The following DGKB variants were observed in gnomAD, a reference collection of about 807,000 sequenced individuals.
The protein encoded by DGKB is diacylglycerol kinase beta.
In DGKB, 67 loss-of-function variants were observed where a neutral mutation model predicts 114.3. That is an observed-to-expected ratio of 0.59 (90% confidence interval 0.48 to 0.72). The LOEUF is 0.72. Ranked by LOEUF, DGKB falls within the 30% of genes least tolerant of loss-of-function variation. The pLI, the probability that DGKB is intolerant of heterozygous loss-of-function variation, is 0.00. For synonymous variants in DGKB, 398 were observed against 323.1 expected, an observed-to-expected ratio of 1.23 and a Z score of -2.49; for missense variants, 907 against 975.2, an observed-to-expected ratio of 0.93 and a Z score of 0.93.
chr7:14,571,968 TA>T lies in DGKB; in HGVS notation c.1770+2243del, dbSNP rs1798450060. ...ATAAAAATCCAGAGAATTAAAGATA[TA>T]AACAATTTTCAGTATTCAACAAAAA... On this transcript the variant is annotated intron_variant, in intron 20 of 25. Coordinates refer to ENST00000402815, the MANE Select transcript of DGKB (RefSeq NM_001350709.2). 4.6e-5 allele frequency among the ~76,000 whole-genome samples: 7 copies of T among 152,126 alleles called. No individual in the cohort carries two copies. In the South Asian group the frequency reaches 1.5e-3, roughly 32 times the overall value.
chr7:14,477,570 C>T (rs1782369828), intron 21 of DGKB, among the ~76,000 whole-genome samples: 1 of 152,008 alleles, frequency 6.6e-6, no homozygotes, highest in Admixed American at 6.6e-5. Flanking sequence ...TTCCTGTTTC[C>T]CTGAGTAACT....
intron 2 of DGKB, among the ~76,000 whole-genome samples, chr7:14,771,825 G>A (rs1041193766): frequency 6.6e-6 from 1 of 152,016 alleles, no homozygotes; most frequent in South Asian, 2.1e-4. Flanking sequence ...AGATCCAGGA[G>A]ATAATCAACT....
chr7:14,225,404 G>T (rs978062291), intron 23 of DGKB, among the ~76,000 whole-genome samples: 2 of 151,982 alleles, frequency 1.3e-5, no homozygotes, highest in Non-Finnish European at 2.9e-5. Context: ...CATTTCCAGA[G>T]ATTTGTTGCC....
chr7:14,442,735 A>G (rs1317111499), intron 21 of DGKB, among the ~76,000 whole-genome samples: 1 of 152,048 alleles, frequency 6.6e-6, no homozygotes, highest in Non-Finnish European at 1.5e-5. Context: ...TTTTTGGGAT[A>G]AGATCATGCT....
chr7:14,939,375 C>T (rs1785442298), intron 1 of DGKB, among the ~76,000 whole-genome samples: 1 of 152,090 alleles, frequency 6.6e-6, no homozygotes, highest in Non-Finnish European at 1.5e-5. Flanking sequence ...AATAGAAATA[C>T]CCTTTCTCAG....
At chr7:14,731,825 T>C (rs1830968746) in intron 5 of DGKB, among the ~76,000 whole-genome samples, 1 of 152,086 alleles carries the variant, frequency 6.6e-6, no homozygotes, top group Non-Finnish European at 1.5e-5. Context: ...AGACGAGAGA[T>C]TAGAGACCTG....
intron 22 of DGKB, among the ~76,000 whole-genome samples, chr7:14,344,719 T>TTA (rs398003736): frequency 6.6e-6 from 1 of 151,434 alleles, no homozygotes; most frequent in African/African-American, 2.4e-5. Flanking sequence ...CTTTTTTTTT[T>TTA]ACAGACCTAT....
chr7:14,908,830 G>A (rs1783842447), intron 1 of DGKB, among the ~76,000 whole-genome samples: 1 of 151,978 alleles, frequency 6.6e-6, no homozygotes, highest in African/African-American at 2.4e-5. Context: ...CTGGTTTTGG[G>A]GTGACTTTAA....
chr7:14,243,807 G>T (rs572502206), intron 23 of DGKB, among the ~76,000 whole-genome samples: 4 of 151,990 alleles, frequency 2.6e-5, no homozygotes, highest in Non-Finnish European at 5.9e-5. Context: ...GCTTCAAAAT[G>T]ACCCCAGCTT....
intron 23 of DGKB, among the ~76,000 whole-genome samples, chr7:14,231,721 A>G (rs1366644195): frequency 6.6e-6 from 1 of 151,904 alleles, no homozygotes; most frequent in African/African-American, 2.4e-5. Context: ...TAAAACTCAT[A>G]CTGTGTTCTA....
chr7:14,301,950 C>T (rs1803639555), intron 23 of DGKB, among the ~76,000 whole-genome samples: 1 of 152,010 alleles, frequency 6.6e-6, no homozygotes, highest in African/African-American at 2.4e-5. Context: ...AATGGCAGTG[C>T]TTTAGCAATA....
chr7:14,313,609 C>T (rs1235559540), intron 23 of DGKB, among the ~76,000 whole-genome samples: 4 of 152,176 alleles, frequency 2.6e-5, no homozygotes, highest in Non-Finnish European at 4.4e-5. Flanking sequence ...AGATTATATC[C>T]GCACCTGGCT....
chr7:14,298,471 AATAT>A (rs1401657215), intron 23 of DGKB, among the ~76,000 whole-genome samples: 7 of 152,214 alleles, frequency 4.6e-5, no homozygotes, highest in Non-Finnish European at 8.8e-5. Flanking sequence ...TTTCCTATTT[AATAT>A]ATGATGTTGG....
intron 23 of DGKB, among the ~76,000 whole-genome samples, chr7:14,321,946 G>A (rs924036305): frequency 2.6e-5 from 4 of 152,140 alleles, no homozygotes; most frequent in African/African-American, 4.8e-5. Flanking sequence ...AATGCCAATT[G>A]TCCCTAAACT....
chr7:14,315,061 A>G (rs1240283136), intron 23 of DGKB, among the ~76,000 whole-genome samples: 3 of 151,408 alleles, frequency 2.0e-5, no homozygotes, highest in African/African-American at 7.3e-5. Flanking sequence ...GAAATAAAAT[A>G]CTTTACAGAC....
chr7:14,374,847 C>T (rs1384210596), intron 21 of DGKB, among the ~76,000 whole-genome samples: 2 of 152,134 alleles, frequency 1.3e-5, no homozygotes, highest in Non-Finnish European at 2.9e-5. Context: ...TACCCCCAAC[C>T]TTGTCGTGAC....
intron 23 of DGKB, among the ~76,000 whole-genome samples, chr7:14,251,247 G>A (rs1332662434): frequency 1.3e-5 from 2 of 151,758 alleles, no homozygotes; most frequent in Non-Finnish European, 2.9e-5. Flanking sequence ...ATGGCTTTTT[G>A]TGCTGCTATA....
At chr7:14,602,469 A>G (rs1216075065) in intron 17 of DGKB, among the ~76,000 whole-genome samples, 1 of 152,172 alleles carries the variant, frequency 6.6e-6, no homozygotes, top group East Asian at 1.9e-4. Flanking sequence ...AAGCAATAGT[A>G]TTGGGAGGTG....
In DGKB at chr7:14,188,436, G is replaced by A. The variant is rs923206389; in HGVS notation, c.2123-10285C>T. Among the ~76,000 whole-genome samples the A allele has an allele frequency of 8.3e-5, 10 of 120,608 alleles. 1 individual carries two copies. The highest frequency in any genetic ancestry group is 2.3e-4 in the South Asian group (1 of 4,260). 79.1% of individuals were successfully genotyped at this position (120,608 alleles called of 152,430 possible). On this transcript the variant is annotated intron_variant, in intron 23 of 25. Transcript: ENST00000402815. ...AGCACTTTGGGAGGCCGAGGCGGGCGGATCACGAGGTCAGGAGATCGAGAC... is the reference window on the plus strand; with the variant it reads ...AGCACTTTGGGAGGCCGAGGCGGGCAGATCACGAGGTCAGGAGATCGAGAC...
Sources: gnomAD v4.1 joint callset for allele counts (sites outside exome capture counted in the v4.1 genomes callset) on GRCh38, gnomAD v4.1.1 for gene constraint, MANE v1.5 for transcripts, NCBI Gene and HGNC (gene_info 2026-07-23, HGNC 2026-07-21) for gene names.